HSD17B12: variants seen among roughly 807,000 people sequenced by gnomAD.
The protein encoded by HSD17B12 is very-long-chain 3-oxoacyl-CoA reductase.
A neutral mutation model predicts 39.3 loss-of-function variants in HSD17B12; 32 were observed. That is an observed-to-expected ratio of 0.81 (90% CI 0.61 to 1.09). The LOEUF (loss-of-function observed/expected upper bound fraction) is 1.09. Among genes scored for constraint, HSD17B12 ranks in the 50% least tolerant of loss-of-function variants. The pLI, the probability that HSD17B12 is intolerant of heterozygous loss-of-function variation, is 0.00. For synonymous variants in HSD17B12, 150 were observed against 146.7 expected (o/e 1.02, Z -0.16); for missense variants, 342 against 382.9 (o/e 0.89, Z 0.89).
chr11:43,674,941 C>T, the HSD17B12 span, among the ~76,000 whole-genome samples: 4 of 152,248 alleles, frequency 2.6e-5, no homozygotes, highest in South Asian at 2.1e-4. Flanking sequence ...CTTCTTTGTA[C>T]GTATTACAAT....
At chr11:43,682,107 C>A (rs1400544161) in intron 1 of HSD17B12, among the ~76,000 whole-genome samples, 2 of 152,118 alleles carry the variant, frequency 1.3e-5, no homozygotes, top group African/African-American at 2.4e-5. Context: ...AACATTTAAA[C>A]AACCTAGTAG....
chr11:43,841,377 C>G (rs1224368508), intron 9 of HSD17B12, among the ~76,000 whole-genome samples: 1 of 152,136 alleles, frequency 6.6e-6, no homozygotes, highest in Non-Finnish European at 1.5e-5. Context: ...TTTTTATTCA[C>G]AAAAGTTTTT....
chr11:43,635,256 T>A, the HSD17B12 span, among the ~76,000 whole-genome samples: 1 of 152,056 alleles, frequency 6.6e-6, no homozygotes, highest in Non-Finnish European at 1.5e-5. Context: ...ACATAAATAA[T>A]AAGGTAAAAT....
At chr11:43,665,077 A>G in the HSD17B12 span, among the ~76,000 whole-genome samples, 2 of 152,202 alleles carry the variant, frequency 1.3e-5, no homozygotes, top group African/African-American at 4.8e-5. Flanking sequence ...CGTAATATAC[A>G]TGATAATGTA....
At chr11:43,662,377 TTGTGTGTGTG>T in the HSD17B12 span, among the ~76,000 whole-genome samples, 27 of 128,524 alleles carry the variant, frequency 2.1e-4, no homozygotes, top group South Asian at 5.3e-4. Context: ...TTTATTTTAT[TTGTGTGTGTG>T]TGTGTGTGTG....
the HSD17B12 span, among the ~76,000 whole-genome samples, chr11:43,642,737 T>C: frequency 1.3e-5 from 2 of 151,888 alleles, no homozygotes; most frequent in African/African-American, 4.8e-5. Flanking sequence ...GATGCTAAAG[T>C]AGTATAATAA....
At chr11:43,687,815 T>A (rs1007674505) in intron 1 of HSD17B12, among the ~76,000 whole-genome samples, 1 of 152,266 alleles carries the variant, frequency 6.6e-6, no homozygotes, top group Non-Finnish European at 1.5e-5. Context: ...CTTGTTTCTA[T>A]GACTTCCCTA....
intron 9 of HSD17B12, among the ~76,000 whole-genome samples, chr11:43,840,537 C>A (rs757900704): frequency 2.6e-4 from 40 of 152,066 alleles, no homozygotes; most frequent in Non-Finnish European, 5.6e-4. Context: ...AACATGAACT[C>A]CCCATTTCCC....
the HSD17B12 span, among the ~76,000 whole-genome samples, chr11:43,634,075 CAAAAAAAAAAAAAAAAAAAA>C: frequency 2.7e-4 from 10 of 37,568 alleles, no homozygotes; most frequent in East Asian, 4.3e-3. Context: ...AACTCCATCT[CAAAAAAAAAAAAAAAAAAAA>C]AAAAAAAAAA....
chr11:43,688,688 C>CAA (rs765632363), intron 1 of HSD17B12, among the ~76,000 whole-genome samples: 2 of 152,142 alleles, frequency 1.3e-5, no homozygotes, highest in Non-Finnish European at 2.9e-5. Flanking sequence ...TGGTGCCTCT[C>CAA]AAGAGTATTA....
chr11:43,635,825 A>G, the HSD17B12 span, among the ~76,000 whole-genome samples: 2 of 138,002 alleles, frequency 1.4e-5, no homozygotes, highest in South Asian at 2.4e-4. Context: ...AGTTATGACT[A>G]TAGTAGCTAT....
At chr11:43,588,638 A>ATTATTATTATTATG in the HSD17B12 span, among the ~76,000 whole-genome samples, 1 of 62,840 alleles carries the variant, frequency 1.6e-5, no homozygotes, top group Admixed American at 2.2e-4. Context: ...TTATTATTAT[A>ATTATTATTATTATG]GTGTTCTCTT....
chr11:43,820,974 G>A (rs763546089), intron 6 of HSD17B12, among the ~76,000 whole-genome samples: 8 of 152,174 alleles, frequency 5.3e-5, no homozygotes, highest in Non-Finnish European at 8.8e-5. Flanking sequence ...TTTCAATAGA[G>A]GAATGACAGA....
chr11:43,672,793 G>T, the HSD17B12 span, among the ~76,000 whole-genome samples: 1 of 152,056 alleles, frequency 6.6e-6, no homozygotes, highest in South Asian at 2.1e-4. Context: ...CGCCTGCCTC[G>T]GCCTCCCAAA....
intron 1 of HSD17B12, among the ~76,000 whole-genome samples, chr11:43,733,236 T>C (rs1950285661): frequency 6.6e-6 from 1 of 152,242 alleles, no homozygotes; most frequent in Non-Finnish European, 1.5e-5. Context: ...TATTGTATTG[T>C]ATCGTTGGGT....
intron 4 of HSD17B12, among the ~76,000 whole-genome samples, chr11:43,809,080 G>C (rs1302363367): frequency 1.3e-5 from 2 of 152,162 alleles, no homozygotes; most frequent in East Asian, 3.9e-4. Context: ...CTCTCAGAAG[G>C]ATCTCTCCAC....
At chr11:43,789,645 G>A (rs1323650068) in intron 3 of HSD17B12, among the ~76,000 whole-genome samples, 1 of 152,178 alleles carries the variant, frequency 6.6e-6, no homozygotes, top group African/African-American at 2.4e-5. Flanking sequence ...AGGTCATTTG[G>A]TGACATTAAA....
chr11:43,852,752 T>C (rs535848939), intron 9 of HSD17B12: 13 of 151,840 alleles, frequency 8.6e-5, no homozygotes, highest in African/African-American at 2.9e-4. Context: ...TGACAAAAAA[T>C]TTTTTTTTCT....
the HSD17B12 span, among the ~76,000 whole-genome samples, chr11:43,597,188 C>A: frequency 1.3e-5 from 2 of 152,128 alleles, no homozygotes; most frequent in Non-Finnish European, 2.9e-5. Flanking sequence ...TGCTTCATTC[C>A]CATGGGTGGT....
Sources: allele counts gnomAD v4.1 joint callset (sites outside exome capture counted in the v4.1 genomes callset), GRCh38; gene constraint gnomAD v4.1.1; transcripts MANE v1.5; gene names NCBI Gene and HGNC (gene_info 2026-07-23, HGNC 2026-07-21).